The following CPZ variants were observed in gnomAD, a reference collection of about 807,000 sequenced individuals.
CPZ encodes the protein VEZT/CPZ fusion.
Under a neutral mutation model 61.8 loss-of-function variants are expected in CPZ, and 103 were observed. That is an observed-to-expected ratio of 1.67 (90% confidence interval 1.42 to 1.96). The LOEUF is 1.96. CPZ is among the 30% of genes most tolerant of loss of function. The probability of loss-of-function intolerance (pLI) is 0.00; values close to 1 mark genes in which losing one functional copy is unlikely to be tolerated. For synonymous variants in CPZ, 551 were observed against 373.7 expected, an observed-to-expected ratio of 1.47 and a Z score of -5.47; for missense variants, 1,461 against 914.9, an observed-to-expected ratio of 1.60 and a Z score of -7.70.
At chr4:8,594,897 C>T (rs993973898) in intron 1 of CPZ, among the ~76,000 whole-genome samples, 4 of 152,094 alleles carry the variant, frequency 2.6e-5, no homozygotes, top group Non-Finnish European at 5.9e-5. Context: ...CTCAGCCTCC[C>T]GAGTAGCTGG....
chr4:8,619,166 C>G, intron 10 of CPZ, 96 bp from the exon 11 acceptor site: 1 of 1,091,444 alleles, frequency 9.2e-7, no homozygotes, highest in Non-Finnish European at 1.3e-6. Context: ...CGCCTGCCTC[C>G]CATGCTAACC....
Position 8,599,208 on chromosome 4 carries a change from C to T in CPZ, c.89-245C>T, listed in dbSNP as rs533201590. On this transcript the variant is annotated intron_variant, in intron 1 of 10. Transcript: ENST00000360986. ...CTTCGAGCCAGATGGATGCCACTGA[C>T]GCCTGCTGCTGCCTGTCTGTCCTTA... Among the ~76,000 whole-genome samples, 11 of 152,340 alleles carry T rather than the reference C, an allele frequency of 7.2e-5. No homozygotes were observed. In the South Asian group the frequency reaches 1.2e-3, roughly 17 times the overall value.
At position 8,618,523 on chromosome 4, in the gene CPZ, C is replaced by T; in HGVS notation, c.1598C>T (p.Thr533Ile). 6.2e-7 allele frequency: 1 copy of T among 1,613,616 alleles called. No homozygotes were observed. Among genetic ancestry groups the T allele is most frequent in the Non-Finnish European group, 8.5e-7 (1 of 1,179,984 alleles). Residue 533 changes from threonine to isoleucine, a missense_variant, in exon 10 of 11, where the codon ACC becomes ATC. Physicochemically the swap from Thr to Ile is moderately conservative, Grantham distance 89 (BLOSUM62 -1). Coordinates refer to ENST00000360986, the MANE Select transcript of CPZ (RefSeq NM_001014447.3). ...ISVKGIRHDI[T>I]TAPDGDYWRL... The stretch of plus-strand genomic sequence containing the variant: ...GTCAAAGGCATTCGCCACGACATCA[C>T]CACAGGTGAGCACGTCCCTGGCTGT...
chr4:8,606,680 A>AAGG (rs1240557871), intron 5 of CPZ, 57 bp from the exon 6 acceptor site: 1 of 1,606,062 alleles, frequency 6.2e-7, no homozygotes, highest in Non-Finnish European at 8.5e-7. Flanking sequence ...ACCCATCTGG[A>AAGG]AGGAGGAGGG....
intron 9 of CPZ, chr4:8,618,219 G>A (rs906548057): frequency 4.5e-5 from 26 of 581,766 alleles, no homozygotes; most frequent in African/African-American, 3.7e-4. Context: ...GAACGTGCTC[G>A]GGTCAATTGC....
chr4:8,607,852 C>G lies in CPZ; in HGVS notation c.1227+427C>G, dbSNP rs537719642. 1.2e-4 allele frequency among the ~76,000 whole-genome samples: 19 copies of G among 152,264 alleles called. No homozygotes were observed. In the South Asian group the frequency reaches 1.7e-3, roughly 13 times the overall value. ...CCCGCCCGTCCTGCTTCCCGGGGGT[C>G]GTGCTTGCTTCTCACGTGCTGGGCT... is the stretch of plus-strand genomic sequence containing the variant. On this transcript the variant is annotated intron_variant, in intron 7 of 10. Coordinates refer to ENST00000360986, the MANE Select transcript of CPZ (RefSeq NM_001014447.3).
In CPZ at chr4:8,618,511, G is replaced by C; in HGVS notation, c.1586G>C (p.Arg529Pro). ...KNARISVKGIRHDITTAPDGD... is the reference protein window; with the variant it reads ...KNARISVKGIPHDITTAPDGD... ...GCCCGGATCTCAGTCAAAGGCATTC[G>C]CCACGACATCACCACAGGTGAGCAC... The change falls in exon 10 of 11, where the codon CGC (arginine) becomes CCC (proline). Residue 529 changes from arginine to proline, a missense_variant. By Grantham distance (103) the Arg-to-Pro change is moderately radical (BLOSUM62 -2). Transcript: ENST00000360986. 6.2e-7 allele frequency: 1 copy of C among 1,613,880 alleles called. No individual in the cohort carries two copies. The highest frequency in any genetic ancestry group is 8.5e-7 in the Non-Finnish European group (1 of 1,180,014).
At chr4:8,614,616 G>C in intron 9 of CPZ, 118 bp downstream of exon 9, 2 of 1,066,416 alleles carry the variant, frequency 1.9e-6, no homozygotes, top group Non-Finnish European at 1.3e-6. Context: ...TGCTCCTTTT[G>C]CCACCACTTG....
In CPZ at chr4:8,596,380, C is replaced by T. The variant is rs561150867; in HGVS notation, c.89-3073C>T. Reference sequence around the variant, plus strand: ...TGATTTAACCTAAGCATGGTGGGCGCTTTGCTAGGGCAGCCCTGGCAAACA... The same window carrying T: ...TGATTTAACCTAAGCATGGTGGGCGTTTTGCTAGGGCAGCCCTGGCAAACA... On this transcript the variant is annotated intron_variant, in intron 1 of 10. Transcript: ENST00000360986. Among the ~76,000 whole-genome samples the T allele has an allele frequency of 3.9e-5, 6 of 152,334 alleles. No individual in the cohort carries two copies. In the South Asian group the frequency reaches 1.2e-3, roughly 32 times the overall value.
rs1225014798 is a variant in CPZ at position 8,619,294 on chromosome 4, C to G, written c.1636C>G (p.Pro546Ala). ...TGGTGACTACTGGAGACTGCTGCCC[C>G]CAGGTATCCACATTGTCATTGCCCA... Reference protein sequence around the residue: ...PDGDYWRLLPPGIHIVIAQAP... With the variant: ...PDGDYWRLLPAGIHIVIAQAP... The change falls in exon 11 of 11, where the codon CCA becomes GCA. Residue 546 changes from proline (P) to alanine (A), a missense_variant. Coordinates refer to ENST00000360986, the MANE Select transcript of CPZ (RefSeq NM_001014447.3). 6.2e-7 allele frequency: 1 copy of G among 1,613,412 alleles called. No individual in the cohort carries two copies. Among genetic ancestry groups the G allele is most frequent in the Non-Finnish European group, 8.5e-7 (1 of 1,179,788 alleles).
intron 1 of CPZ, among the ~76,000 whole-genome samples, chr4:8,595,413 C>T (rs4696855): frequency 0.72 from 109,028 of 152,204 alleles, 39,607 homozygotes; most frequent in Admixed American, 0.82. Flanking sequence ...CAGCCACAGT[C>T]GTCCTGGCTT....
intron 10 of CPZ, 58 bp from the exon 11 acceptor site, chr4:8,619,204 A>AC: frequency 2.1e-6 from 3 of 1,428,848 alleles, no homozygotes; most frequent in Non-Finnish European, 2.9e-6. Flanking sequence ...ATCACCCATC[A>AC]CCCCGTGGCT....
chr4:8,595,086 T>C lies in CPZ; in HGVS notation c.88+2165T>C, dbSNP rs557720829. On this transcript the variant is annotated intron_variant, in intron 1 of 10. Coordinates refer to ENST00000360986, the MANE Select transcript of CPZ (RefSeq NM_001014447.3). ...CACGCCTGGCCTGTAACAGATTCTA[T>C]TTAACCCAATATGTCCAAAATATTC... 2.0e-5 allele frequency among the ~76,000 whole-genome samples: 3 copies of C among 152,370 alleles called. No individual in the cohort carries two copies. The East Asian group carries it at 5.8e-4, about 29-fold the overall frequency.
rs770570143 is a variant in CPZ, at chr4:8,592,875, C to T, written c.42C>T (p.Val14=). The part of the protein sequence containing the change: ...PLPLLLLTVL[V]VAAARPGCEF... ...CGCTGCTGCTCCTTACAGTCCTGGT[C>T]GTCGCCGCTGCCCGGCCGGGGTGCG... The change falls in exon 1 of 11, where the codon GTC becomes GTT. Residue 14 remains valine (V), a synonymous_variant. Coordinates refer to ENST00000360986, the MANE Select transcript of CPZ (RefSeq NM_001014447.3). 10 of 1,533,468 alleles carry T rather than the reference C, an allele frequency of 6.5e-6. No homozygotes were observed. The African/African-American group carries it at 1.4e-4, about 21-fold the overall frequency. 95.0% of individuals were successfully genotyped at this position (1,533,468 alleles called of 1,614,324 possible).
chr4:8,618,108 CG>C (rs113981157), intron 9 of CPZ: 5,572 of 334,324 alleles, frequency 0.017, 148 homozygotes, highest in East Asian at 0.096. Context: ...GAAGGAATGC[CG>C]ATCAGGCAGA....
rs9994640 is a variant in CPZ at position 8,593,770 on chromosome 4, A to C, written c.88+849A>C. Among the ~76,000 whole-genome samples, 216 of 152,112 alleles carry C rather than the reference A, an allele frequency of 1.4e-3. 1 individual carries two copies. Among genetic ancestry groups the C allele is most frequent in the Non-Finnish European group, 2.6e-3 (177 of 67,966 alleles). On this transcript the variant is annotated intron_variant, in intron 1 of 10. Coordinates refer to ENST00000360986, the MANE Select transcript of CPZ (RefSeq NM_001014447.3). ...CTGCGAGTGGATGTGCCAGGACCAC[A>C]ATACCCCACCCCAGTGCGCTGTGTC...
At chr4:8,608,839 C>A (rs1715278676) in intron 7 of CPZ, among the ~76,000 whole-genome samples, 1 of 152,114 alleles carries the variant, frequency 6.6e-6, no homozygotes, top group Non-Finnish European at 1.5e-5. Flanking sequence ...CAAGGGGAGC[C>A]CCAGGGAGCC....
intron 10 of CPZ, 82 bp downstream of exon 10, chr4:8,618,610 T>C: frequency 7.7e-7 from 1 of 1,305,868 alleles, no homozygotes; most frequent in Non-Finnish European, 1.1e-6. Flanking sequence ...CCTCAGGCAC[T>C]CACAGTGTGC....
intron 8 of CPZ, among the ~76,000 whole-genome samples, chr4:8,613,101 C>G (rs906742919): frequency 6.6e-6 from 1 of 151,528 alleles, no homozygotes; most frequent in Non-Finnish European, 1.5e-5. Flanking sequence ...CAGACACCCA[C>G]GAGCAGAGCT....
Sources: allele counts gnomAD v4.1 joint callset (sites outside exome capture counted in the v4.1 genomes callset), GRCh38; gene constraint gnomAD v4.1.1; transcripts MANE v1.5; gene names NCBI Gene and HGNC (gene_info 2026-07-23, HGNC 2026-07-21).